SLC43A1: variants seen among roughly 807,000 people sequenced by gnomAD.
The protein encoded by SLC43A1 is solute carrier family 43 member 1.
A neutral mutation model predicts 59.5 loss-of-function variants in SLC43A1; 31 were observed. The observed-to-expected ratio is 0.52, with a 90% CI of 0.39 to 0.70. SLC43A1 has a LOEUF of 0.70. SLC43A1 is among the 30% of genes least tolerant of loss of function. The pLI is 0.00. For missense variants in SLC43A1, 598 were observed against 717.8 expected, an observed-to-expected ratio of 0.83 and a Z score of 1.91; for synonymous variants, 259 against 290.9, an observed-to-expected ratio of 0.89 and a Z score of 1.12.
intron 2 of SLC43A1, among the ~76,000 whole-genome samples, chr11:57,506,654 T>G (rs964233308): frequency 4.6e-5 from 7 of 152,146 alleles, no homozygotes; most frequent in African/African-American, 1.7e-4. Context: ...TTCCCATGAG[T>G]CCCAGTAGAA....
chr11:57,490,714 T>A (rs764209542), intron 11 of SLC43A1, among the ~76,000 whole-genome samples: 10 of 152,252 alleles, frequency 6.6e-5, no homozygotes, highest in Non-Finnish European at 1.5e-4. Flanking sequence ...GATTTCTGAC[T>A]GTCAGAAACT....
chr11:57,499,895 CTGCGCAGAGGGGCGGGGAGAAAGGGA>C (rs1944207093), intron 5 of SLC43A1, among the ~76,000 whole-genome samples: 1 of 152,010 alleles, frequency 6.6e-6, no homozygotes, highest in African/African-American at 2.4e-5. Flanking sequence ...GGAGAAGGGG[CTGCGCAGAGGGGCGGGGAGAAAGGGA>C]TCCGCTTCCT....
At chr11:57,490,784 C>T (rs1590748259) in intron 11 of SLC43A1, among the ~76,000 whole-genome samples, 1 of 152,192 alleles carries the variant, frequency 6.6e-6, no homozygotes, top group African/African-American at 2.4e-5. Context: ...ATTTGTTATA[C>T]AGCAATAAAT....
rs1202190145 is a variant in SLC43A1, at chr11:57,488,925, TAG to T, written c.1398_1399del (p.Tyr467CysfsTer86). The T allele has an allele frequency of 1.9e-6, 3 of 1,613,632 alleles. No individual in the cohort carries two copies. Among genetic ancestry groups the T allele is most frequent in the Non-Finnish European group, 2.5e-6 (3 of 1,179,718 alleles). On this transcript the variant is annotated frameshift_variant, in exon 13 of 15. Coordinates refer to ENST00000278426, the MANE Select transcript of SLC43A1 (RefSeq NM_003627.6). LOFTEE classifies it high-confidence loss of function. ...AGCCCAACAGACTCACACTGCAGCA[TAG>T]AGACTCCCACAGGCTGAGTGGAAGA...
intron 11 of SLC43A1, among the ~76,000 whole-genome samples, chr11:57,490,312 A>T (rs1943862429): frequency 6.6e-6 from 1 of 151,342 alleles, no homozygotes; most frequent in South Asian, 2.1e-4. Flanking sequence ...GTCTCAATAA[A>T]AAAAAAAAAA....
In SLC43A1 at chr11:57,514,138, G is replaced by C; in HGVS notation, c.-13-14C>G. ...CTGGCCCCGAGCCTGCACAGAAACA[G>C]AGCGCTGGGTGAAGGGCCCCCCAGT... On this transcript the variant is annotated splice_polypyrimidine_tract_variant and intron_variant, in intron 1 of 14. Coordinates refer to ENST00000278426, the MANE Select transcript of SLC43A1 (RefSeq NM_003627.6). The surrounding 1 kb of genome is among the most constrained non-coding windows in gnomAD (Gnocchi z 5.5). The C allele has an allele frequency of 6.4e-7, 1 of 1,567,132 alleles. No individual in the cohort carries two copies. The highest frequency in any genetic ancestry group is 8.6e-7 in the Non-Finnish European group (1 of 1,159,126).
In SLC43A1 at chr11:57,489,401, T is replaced by C; in HGVS notation, c.1194-9A>G. 1 of 1,613,836 alleles carries C rather than the reference T, an allele frequency of 6.2e-7. No homozygotes were observed. The highest frequency in any genetic ancestry group is 8.5e-7 in the Non-Finnish European group (1 of 1,179,874). ...TGGTAGCAACCCCGTCCCTGAGGAG[T>C]ACGGGAAGTCACTGGCTGCTGCCTC... is the stretch of plus-strand genomic sequence containing the variant. On this transcript the variant is annotated splice_polypyrimidine_tract_variant and intron_variant, in intron 11 of 14. Transcript: ENST00000278426.
In SLC43A1 at chr11:57,488,965, T is replaced by C. The variant is rs564460933; in HGVS notation, c.1360A>G (p.Ile454Val). The C allele has an allele frequency of 8.7e-6, 14 of 1,614,110 alleles. No individual in the cohort carries two copies. In the South Asian group the frequency reaches 1.4e-4, roughly 16 times the overall value. Residue 454 changes from isoleucine to valine, a missense_variant, in exon 13 of 15, where the codon ATT becomes GTT. By Grantham distance (29) the Ile-to-Val change is conservative. Transcript: ENST00000278426. ...GCTGAGTGGAAGAAACCTCGAACAATGGTGTGCAGGACAAAGGTCACAAAC... is the reference window on the plus strand; with the variant it reads ...GCTGAGTGGAAGAAACCTCGAACAACGGTGTGCAGGACAAAGGTCACAAAC... ...LQFVTFVLHT[I>V]VRGFFHSACG... is the part of the protein sequence containing the mutation.
intron 13 of SLC43A1, among the ~76,000 whole-genome samples, chr11:57,487,431 G>C (rs1943773707): frequency 6.6e-6 from 1 of 152,150 alleles, no homozygotes. Flanking sequence ...TCCTGTATGT[G>C]TGATATTGGC....
intron 2 of SLC43A1, among the ~76,000 whole-genome samples, chr11:57,505,774 T>A (rs1283043013): frequency 1.3e-5 from 2 of 152,080 alleles, no homozygotes; most frequent in African/African-American, 4.8e-5. Flanking sequence ...TGACTAGGTT[T>A]GGGATGGTTG....
intron 14 of SLC43A1, among the ~76,000 whole-genome samples, chr11:57,486,734 G>A (rs559108426): frequency 7.9e-5 from 12 of 151,026 alleles, no homozygotes; most frequent in East Asian, 5.9e-4. Flanking sequence ...GCATGAACCC[G>A]GGAGGCGGAG....
chr11:57,513,956 AC>A lies in SLC43A1; in HGVS notation c.154+1del, dbSNP rs760188825. 1 of 1,572,914 alleles carries A rather than the reference AC, an allele frequency of 6.4e-7. No individual in the cohort carries two copies. The highest frequency in any genetic ancestry group is 2.3e-5 in the East Asian group (1 of 43,300). ...GCCCACCCAGCCCATTTTCAGGCAT[AC>A]CTGGGCACGTGCTGGAATAGAAGCC... On this transcript the variant is annotated splice_donor_variant, in intron 2 of 14. Coordinates refer to ENST00000278426, the MANE Select transcript of SLC43A1 (RefSeq NM_003627.6). LOFTEE classifies it high-confidence loss of function.
chr11:57,499,316 T>TC (rs932724491), intron 5 of SLC43A1, among the ~76,000 whole-genome samples: 1 of 122,444 alleles, frequency 8.2e-6, no homozygotes, highest in African/African-American at 3.2e-5. Context: ...ACTGCGAGAC[T>TC]CCGTCTCAAC....
chr11:57,486,654 A>T (rs1590741797), intron 14 of SLC43A1, among the ~76,000 whole-genome samples: 1 of 151,438 alleles, frequency 6.6e-6, no homozygotes, highest in East Asian at 1.9e-4. Flanking sequence ...AAAAAAAAAA[A>T]AAAAATTAGC....
Position 57,487,226 on chromosome 11 carries a change from C to A in SLC43A1, c.1410-8G>T, listed in dbSNP as rs202124465. The A allele has an allele frequency of 6.2e-7, 1 of 1,611,326 alleles. No homozygotes were observed. The highest frequency in any genetic ancestry group is 8.5e-7 in the Non-Finnish European group (1 of 1,178,050). ...AAGTGGTTGGATGGGAACCTGTCCA[C>A]GAGACGGGGAGTATCAGGGGTGTGT... is the stretch of plus-strand genomic sequence containing the variant. On this transcript the variant is annotated splice_polypyrimidine_tract_variant and splice_region_variant and intron_variant, in intron 13 of 14. Transcript: ENST00000278426.
chr11:57,498,578 G>T (rs562242529), intron 5 of SLC43A1, among the ~76,000 whole-genome samples: 10 of 152,138 alleles, frequency 6.6e-5, no homozygotes, highest in African/African-American at 2.4e-4. Context: ...CCCCATTGTC[G>T]TTGTCCCAGC....
rs565250663 is a variant in SLC43A1 at position 57,509,955 on chromosome 11, A to G, written c.154+4003T>C. On this transcript the variant is annotated intron_variant, in intron 2 of 14. Coordinates refer to ENST00000278426, the MANE Select transcript of SLC43A1 (RefSeq NM_003627.6). ...TTTACAAATCATATGTAGGAGACTT[A>G]TATCTAGAACATAAAGAACTCTTAC... 3.9e-5 allele frequency among the ~76,000 whole-genome samples: 6 copies of G among 152,318 alleles called. 1 individual carries two copies. Among genetic ancestry groups the G allele is most frequent in the African/African-American group, 1.4e-4 (6 of 41,572 alleles).
chr11:57,501,118 T>G (rs1445810914), intron 3 of SLC43A1, 34 bp downstream of exon 3: 1 of 1,577,498 alleles, frequency 6.3e-7, no homozygotes, highest in Non-Finnish European at 8.7e-7. Flanking sequence ...GCACGGTCCC[T>G]GTCCTCCCGT....
chr11:57,494,480 C>T lies in SLC43A1; in HGVS notation c.693-309G>A, dbSNP rs140874899. On this transcript the variant is annotated intron_variant, in intron 7 of 14. Transcript: ENST00000278426. ...GCCTGCGTCCAACCTAAGATTCACCCTCCTTTGAATGGCATGACCTTTGGA... is the reference window on the plus strand; with the variant it reads ...GCCTGCGTCCAACCTAAGATTCACCTTCCTTTGAATGGCATGACCTTTGGA... The T allele has an allele frequency of 5.6e-4, 217 of 390,544 alleles. 1 individual carries two copies. Among genetic ancestry groups the T allele is most frequent in the African/African-American group, 4.4e-3 (205 of 46,904 alleles). The allele number at this position is 390,544 out of a possible 1,614,324, so 24.2% of individuals were successfully genotyped here. A position where few individuals can be genotyped will look rare whatever the true frequency, so the allele number is the denominator to read the frequency against.
Sources: gnomAD v4.1 joint callset for allele counts (sites outside exome capture counted in the v4.1 genomes callset) on GRCh38, gnomAD v4.1.1 for gene constraint, Gnocchi (gnomAD v3.1) non-coding constraint, MANE v1.5 for transcripts, NCBI Gene and HGNC (gene_info 2026-07-23, HGNC 2026-07-21) for gene names.